ANK3: variants seen among roughly 807,000 people sequenced by gnomAD.
ANK3 encodes ankyrin-3.
A neutral mutation model predicts 370.9 loss-of-function variants in ANK3; 57 were observed. That is an observed-to-expected ratio of 0.15 (90% CI 0.12 to 0.19). The LOEUF is 0.19. Ranked by LOEUF, ANK3 falls within the 10% of genes least tolerant of loss-of-function variation. The pLI is 1.00. For synonymous variants in ANK3, 1,929 were observed against 1,946.3 expected, an observed-to-expected ratio of 0.99 and a Z score of 0.23; for missense variants, 4,439 against 5,302.1, an observed-to-expected ratio of 0.84 and a Z score of 5.06.
intron 23 of ANK3, among the ~76,000 whole-genome samples, chr10:60,146,677 C>T (rs1176327392): frequency 6.6e-6 from 1 of 152,128 alleles, no homozygotes; most frequent in Non-Finnish European, 1.5e-5. Flanking sequence ...TTAGTAGAGA[C>T]AGGGTTCCAC....
rs1566668696 is a variant in ANK3 at position 60,335,475 on chromosome 10, G to A, written c.114+53950C>T. Among the ~76,000 whole-genome samples the A allele has an allele frequency of 2.0e-5, 3 of 152,072 alleles. 1 individual carries two copies. The highest frequency in any genetic ancestry group is 6.5e-5 in the Admixed American group (1 of 15,282). ...TTCTGCAAATGAGAAGTCAGGCCTG[G>A]ACCATTCCTGCTGTTTGGCAGGGTG... On this transcript the variant is annotated intron_variant, in intron 1 of 43. Coordinates refer to ENST00000280772, the MANE Select transcript of ANK3 (RefSeq NM_020987.5).
At chr10:60,693,733 A>C (rs2079395652) in intron 1 of ANK3, among the ~76,000 whole-genome samples, 1 of 152,142 alleles carries the variant, frequency 6.6e-6, no homozygotes, top group Non-Finnish European at 1.5e-5. Context: ...GGACATCCAC[A>C]CCAAAAACCC....
intron 25 of ANK3, among the ~76,000 whole-genome samples, chr10:60,115,032 A>C (rs1173244657): frequency 6.6e-6 from 1 of 152,236 alleles, no homozygotes; most frequent in Admixed American, 6.5e-5. Context: ...AGCATGCTAC[A>C]GTTTCCTGCT....
chr10:60,624,735 A>C (rs2078385138), intron 1 of ANK3, among the ~76,000 whole-genome samples: 1 of 151,970 alleles, frequency 6.6e-6, no homozygotes, highest in Admixed American at 6.6e-5. Flanking sequence ...AAAAAAAAAA[A>C]AAAAACTGGT....
chr10:60,567,889 A>G (rs1374254549), intron 2 of ANK3, among the ~76,000 whole-genome samples: 1 of 152,216 alleles, frequency 6.6e-6, no homozygotes, highest in Non-Finnish European at 1.5e-5. Context: ...TGGTGGAAAT[A>G]GCAAGAGAGC....
At chr10:60,044,419 C>T (rs1272603879) in intron 42 of ANK3, 1 of 772,976 alleles carries the variant, frequency 1.3e-6, no homozygotes, top group African/African-American at 1.9e-5. Context: ...AAACACCACA[C>T]ACATGCTCTG....
chr10:60,311,991 C>T (rs899556296), intron 1 of ANK3, among the ~76,000 whole-genome samples: 1 of 152,098 alleles, frequency 6.6e-6, no homozygotes, highest in Non-Finnish European at 1.5e-5. Context: ...GACTTTTGTC[C>T]ATCTTGTGAA....
chr10:60,397,503 T>G (rs1012109888), intron 2 of ANK3, among the ~76,000 whole-genome samples: 1 of 152,140 alleles, frequency 6.6e-6, no homozygotes, highest in African/African-American at 2.4e-5. Context: ...AAGACGGACA[T>G]CACAGAGAAC....
intron 2 of ANK3, among the ~76,000 whole-genome samples, chr10:60,468,476 T>C (rs903983826): frequency 2.6e-5 from 4 of 152,118 alleles, no homozygotes; most frequent in Admixed American, 2.0e-4. Context: ...TATGGGTGTC[T>C]GATATTCTAC....
At chr10:60,140,498 G>A (rs1340487798) in intron 23 of ANK3, 102 of 1,546,214 alleles carry the variant, frequency 6.6e-5, no homozygotes, top group Non-Finnish European at 8.6e-5. Context: ...CTTCACCACC[G>A]CTGAATTCCT....
At chr10:60,507,837 G>A (rs1595169771) in intron 2 of ANK3, 1 of 152,040 alleles carries the variant, frequency 6.6e-6, no homozygotes, top group South Asian at 2.1e-4. Context: ...AGTCTATAAT[G>A]ACAATGTATT....
At chr10:60,036,420 C>CA (rs2074978964) in intron 43 of ANK3, among the ~76,000 whole-genome samples, 1 of 66,176 alleles carries the variant, frequency 1.5e-5, no homozygotes, top group East Asian at 3.5e-4. Context: ...AGGTCAGAGG[C>CA]AATTTTTTTT....
intron 8 of ANK3, among the ~76,000 whole-genome samples, chr10:60,224,081 A>G (rs1565798281): frequency 6.7e-6 from 1 of 148,306 alleles, no homozygotes; most frequent in Non-Finnish European, 1.5e-5. Flanking sequence ...GTTGATCTCC[A>G]GTTGAAAAAT....
intron 1 of ANK3, among the ~76,000 whole-genome samples, chr10:60,344,140 C>T (rs1468021282): frequency 2.6e-5 from 4 of 152,232 alleles, no homozygotes; most frequent in African/African-American, 9.6e-5. Flanking sequence ...CACTTGCTTC[C>T]AACATCCAAA....
At chr10:60,680,288 A>C (rs1312897274) in intron 1 of ANK3, among the ~76,000 whole-genome samples, 1 of 152,238 alleles carries the variant, frequency 6.6e-6, no homozygotes, top group Non-Finnish European at 1.5e-5. Context: ...AGACCCATAC[A>C]GATTCACTGC....
At position 60,076,429 on chromosome 10, in the gene ANK3, T is replaced by A. The variant is rs202020962; in HGVS notation, c.4452A>T (p.Ala1484=). 5 of 1,610,118 alleles carry A rather than the reference T, an allele frequency of 3.1e-6. No homozygotes were observed. Among genetic ancestry groups the A allele is most frequent in the Non-Finnish European group, 1.7e-6 (2 of 1,177,932 alleles). The part of the protein sequence containing the change: ...EPGMIERSTG[A]TRSLPTTYSY... ...AGTAAGTGGTGGGGAGGGATCTTGT[T>A]GCTCCTGTACTCCGTTCAACTGTTT... The change falls in exon 37 of 44, where the codon GCA becomes GCT. Residue 1484 remains alanine, a synonymous_variant. Coordinates refer to ENST00000280772, the MANE Select transcript of ANK3 (RefSeq NM_020987.5).
chr10:60,634,055 G>T (rs926478514), intron 1 of ANK3, among the ~76,000 whole-genome samples: 6 of 152,188 alleles, frequency 3.9e-5, no homozygotes, highest in African/African-American at 1.2e-4. Flanking sequence ...AGTCTGCATG[G>T]AGTTCAGGTG....
At chr10:60,044,403 T>C (rs1474969953) in intron 42 of ANK3, 2 of 842,882 alleles carry the variant, frequency 2.4e-6, no homozygotes, top group Non-Finnish European at 2.9e-6. Context: ...ATCTCCACAC[T>C]ACTCCAAACA....
intron 7 of ANK3, among the ~76,000 whole-genome samples, chr10:60,252,880 G>A (rs962116255): frequency 1.3e-5 from 2 of 152,150 alleles, no homozygotes; most frequent in Admixed American, 6.5e-5. Context: ...CAGTGACAGC[G>A]TCCCCTCCTG....
Sources: allele counts gnomAD v4.1 joint callset (sites outside exome capture counted in the v4.1 genomes callset), GRCh38; gene constraint gnomAD v4.1.1; transcripts MANE v1.5; gene names NCBI Gene and HGNC (gene_info 2026-07-23, HGNC 2026-07-21).